Variants in DGKD observed in about 807,000 individuals in gnomAD.
DGKD encodes diacylglycerol kinase delta, also known as DAG kinase delta.
DGKD carries 68 observed loss-of-function variants against 154.4 expected under a neutral mutation model. The ratio of observed to expected loss-of-function variants is 0.44; its 90% CI spans 0.36 to 0.54. The LOEUF (loss-of-function observed/expected upper bound fraction) is 0.54, where lower values mean the gene tolerates loss of function less well. DGKD is among the 20% of genes least tolerant of loss of function. The pLI, the probability that DGKD is intolerant of heterozygous loss-of-function variation, is 0.00. For synonymous variants in DGKD, 693 were observed against 638.0 expected (o/e 1.09, Z -1.30); for missense variants, 1,343 against 1,593.6 (o/e 0.84, Z 2.68).
intron 26 of DGKD, chr2:233,463,881 G>A (rs753205376): frequency 5.9e-5 from 25 of 421,042 alleles, no homozygotes; most frequent in Non-Finnish European, 8.3e-5. Context: ...GAATGGCTCC[G>A]ACCCCATTTC....
At chr2:233,398,018 T>C (rs1306825636) in intron 3 of DGKD, among the ~76,000 whole-genome samples, 1 of 152,104 alleles carries the variant, frequency 6.6e-6, no homozygotes, top group Non-Finnish European at 1.5e-5. Context: ...TTCCTAGTTC[T>C]AGTTATCAAA....
At chr2:233,447,793 G>C in intron 12 of DGKD, 2 of 1,189,284 alleles carry the variant, frequency 1.7e-6, no homozygotes, top group Non-Finnish European at 2.1e-6. Context: ...ATGAGTAGGG[G>C]TCAGGACGGA....
At chr2:233,450,861 C>T (rs1323377556) in intron 16 of DGKD, 61 bp from the exon 17 acceptor site, 2 of 1,557,524 alleles carry the variant, frequency 1.3e-6, no homozygotes, top group African/African-American at 1.4e-5. Flanking sequence ...GCTAAGGACC[C>T]CCCAGGATTT....
rs528607727 is a variant in DGKD at position 233,452,615 on chromosome 2, G to A, written c.2264+555G>A. On this transcript the variant is annotated intron_variant, in intron 18 of 29. Coordinates refer to ENST00000264057, the MANE Select transcript of DGKD (RefSeq NM_152879.3). This position sits in a 1 kb window ranked among gnomAD's most constrained non-coding sequence, Gnocchi z 4.0. ...TGCTGAGGCTTATAAGGGCTGCTGC[G>A]TGCCTGCGTGCTGATACTGCTACTC... Among the ~76,000 whole-genome samples, 19 of 152,264 alleles carry A rather than the reference G, an allele frequency of 1.2e-4. No individual in the cohort carries two copies. The highest frequency in any genetic ancestry group is 2.1e-4 in the South Asian group (1 of 4,830).
At position 233,450,930 on chromosome 2, in the gene DGKD, T is replaced by C; in HGVS notation, c.2047T>C (p.Ser683Pro). The change falls in exon 17 of 30, where the codon TCT (serine) becomes CCT (proline). Residue 683 changes from serine to proline, a missense_variant. This residue lies in a region of DGKD where 409 missense variants were observed against 446.0 expected (regional missense o/e 0.92). Transcript: ENST00000264057. ...KGRSQRKVSK[S>P]PCEKLISKGS... ...CTGCTGTGTTGTTACAGTGTCGAAATCTCCGTGTGAAAAGCTGATCAGCAA... is the reference window on the plus strand; with the variant it reads ...CTGCTGTGTTGTTACAGTGTCGAAACCTCCGTGTGAAAAGCTGATCAGCAA... 1 of 1,601,316 alleles carries C rather than the reference T, an allele frequency of 6.2e-7. No individual in the cohort carries two copies. Among genetic ancestry groups the C allele is most frequent in the East Asian group, 2.3e-5 (1 of 44,398 alleles).
rs1418738659 is a variant in DGKD, at chr2:233,457,644, G to A, written c.2580+316G>A. On this transcript the variant is annotated intron_variant, in intron 21 of 29. Transcript: ENST00000264057. This position sits in a 1 kb window ranked among gnomAD's most constrained non-coding sequence, Gnocchi z 5.5. ...TGAAGGATGAGTTGGAGTTGGCTAA[G>A]TTAGGTGGGCAGAGGAGAGGGGGAG... 2.0e-6 allele frequency: 1 copy of A among 503,014 alleles called. No homozygotes were observed. Among genetic ancestry groups the A allele is most frequent in the Non-Finnish European group, 3.9e-6 (1 of 257,818 alleles). The allele number at this position is 503,014 out of a possible 1,614,324, so 31.2% of individuals were successfully genotyped here.
chr2:233,450,219 A>G lies in DGKD; in HGVS notation c.2038+88A>G, dbSNP rs570019929. Reference sequence around the variant, plus strand: ...GGCTTGCCAGGGGAGGTTTTAGGGCACTTTCTCATAGTTGCTTTGGCCACT... The same window carrying G: ...GGCTTGCCAGGGGAGGTTTTAGGGCGCTTTCTCATAGTTGCTTTGGCCACT... On this transcript the variant is annotated intron_variant, in intron 16 of 29. Coordinates refer to ENST00000264057, the MANE Select transcript of DGKD (RefSeq NM_152879.3). The G allele has an allele frequency of 2.8e-6, 4 of 1,438,214 alleles. No homozygotes were observed. In the South Asian group the frequency reaches 4.4e-5, roughly 16 times the overall value. The allele number at this position is 1,438,214 out of a possible 1,614,324, so 89.1% of individuals were successfully genotyped here. A position where few individuals can be genotyped will look rare whatever the true frequency, so the allele number is the denominator to read the frequency against.
chr2:233,371,103 A>G (rs1702300120), intron 1 of DGKD, among the ~76,000 whole-genome samples: 1 of 152,180 alleles, frequency 6.6e-6, no homozygotes, highest in East Asian at 1.9e-4. Flanking sequence ...ATTGCTGGAT[A>G]ATTCTGTGTT....
At chr2:233,396,995 T>G (rs1169212092) in intron 3 of DGKD, among the ~76,000 whole-genome samples, 1 of 43,292 alleles carries the variant, frequency 2.3e-5, no homozygotes. Flanking sequence ...GCGAGAGGAC[T>G]CCAGAGGGGA....
intron 3 of DGKD, among the ~76,000 whole-genome samples, chr2:233,422,153 T>G (rs1053225796): frequency 1.3e-5 from 2 of 152,212 alleles, no homozygotes; most frequent in African/African-American, 4.8e-5. Context: ...TCCCAGAGCA[T>G]ACATTGGTAT....
At chr2:233,389,447 G>A (rs991304217) in intron 2 of DGKD, among the ~76,000 whole-genome samples, 1 of 151,984 alleles carries the variant, frequency 6.6e-6, no homozygotes, top group Non-Finnish European at 1.5e-5. Context: ...TAATATTTTG[G>A]TATTTAAGAA....
In DGKD at chr2:233,448,387, T is replaced by C; in HGVS notation, c.1614+12T>C. The C allele has an allele frequency of 6.2e-7, 1 of 1,611,334 alleles. No individual in the cohort carries two copies. The highest frequency in any genetic ancestry group is 8.5e-7 in the Non-Finnish European group (1 of 1,178,044). On this transcript the variant is annotated intron_variant, in intron 14 of 29. Coordinates refer to ENST00000264057, the MANE Select transcript of DGKD (RefSeq NM_152879.3). ...TCATGGCCAAGAAGGTCTGTTCCCG[T>C]GCCCTGGGTGGGAGGGGCATTGAGG...
intron 3 of DGKD, among the ~76,000 whole-genome samples, chr2:233,415,528 G>C (rs1410657981): frequency 6.6e-6 from 1 of 152,238 alleles, no homozygotes; most frequent in Non-Finnish European, 1.5e-5. Flanking sequence ...GGATGAAGGA[G>C]GTTGTATAGG....
intron 3 of DGKD, among the ~76,000 whole-genome samples, chr2:233,420,549 G>T (rs568565090): frequency 2.0e-5 from 3 of 152,318 alleles, no homozygotes; most frequent in East Asian, 3.9e-4. Context: ...ATAAGTGTGT[G>T]TAGGCATAAA....
rs561176204 is a variant in DGKD, at chr2:233,457,755, G to A, written c.2580+427G>A. 21 of 369,046 alleles carry A rather than the reference G, an allele frequency of 5.7e-5. No homozygotes were observed. The highest frequency in any genetic ancestry group is 3.9e-4 in the South Asian group (19 of 49,110). 22.9% of individuals were successfully genotyped at this position (369,046 alleles called of 1,614,324 possible). A position where few individuals can be genotyped will look rare whatever the true frequency, so the allele number is the denominator to read the frequency against. On this transcript the variant is annotated intron_variant, in intron 21 of 29. Transcript: ENST00000264057. This position sits in a 1 kb window ranked among gnomAD's most constrained non-coding sequence, Gnocchi z 5.5. ...ATGGAGGATGGGAGAGAGGTGCCCC[G>A]ACTGCAGTGGGCAGCAGGGGCGTGG...
Position 233,451,033 on chromosome 2 carries a change from C to G in DGKD, c.2150C>G (p.Thr717Ser). 6.2e-7 allele frequency: 1 copy of G among 1,611,216 alleles called. No individual in the cohort carries two copies. The highest frequency in any genetic ancestry group is 8.5e-7 in the Non-Finnish European group (1 of 1,177,592). Residue 717 changes from threonine (T) to serine (S), a missense_variant, in exon 17 of 30, where the codon ACC becomes AGC. Thr to Ser is a moderately conservative substitution (Grantham distance 58). Coordinates refer to ENST00000264057, the MANE Select transcript of DGKD (RefSeq NM_152879.3). Reference sequence around the variant, plus strand: ...CGGGACGGCCTGCCTGCGCTCAACACCAAGATCCTGTACCCAAGTGAGTGG... The same window carrying G: ...CGGGACGGCCTGCCTGCGCTCAACAGCAAGATCCTGTACCCAAGTGAGTGG... ...GSRDGLPALN[T>S]KILYPNVRAG...
chr2:233,460,905 A>G (rs1044545071), intron 24 of DGKD, among the ~76,000 whole-genome samples: 3 of 151,500 alleles, frequency 2.0e-5, no homozygotes, highest in African/African-American at 7.3e-5. Flanking sequence ...AACAAACAAA[A>G]CAAAACAAAA....
At chr2:233,443,753 T>C (rs2062973012) in intron 10 of DGKD, among the ~76,000 whole-genome samples, 1 of 152,198 alleles carries the variant, frequency 6.6e-6, no homozygotes, top group South Asian at 2.1e-4. Context: ...CATAGACTAC[T>C]CTAATTTTTG....
chr2:233,399,596 G>A (rs1027997020), intron 3 of DGKD, among the ~76,000 whole-genome samples: 2 of 152,198 alleles, frequency 1.3e-5, no homozygotes, highest in African/African-American at 4.8e-5. Context: ...GGCGTGGGAG[G>A]TGCGCTGGGT....
Sources: allele counts gnomAD v4.1 joint callset (sites outside exome capture counted in the v4.1 genomes callset), GRCh38; gene constraint gnomAD v4.1.1; regional missense constraint gnomAD v4.1.1; non-coding constraint Gnocchi (gnomAD v3.1); transcripts MANE v1.5; gene names NCBI Gene and HGNC (gene_info 2026-07-23, HGNC 2026-07-21).